The following RALGAPA1 variants were observed in gnomAD, a reference collection of about 807,000 sequenced individuals.
RALGAPA1 encodes the protein ral GTPase-activating protein subunit alpha-1.
A neutral mutation model predicts 269.6 loss-of-function variants in RALGAPA1; 52 were observed. The observed-to-expected ratio is 0.19, with a 90% confidence interval of 0.15 to 0.24. The LOEUF (loss-of-function observed/expected upper bound fraction) is 0.24, where lower values mean the gene tolerates loss of function less well. RALGAPA1 is among the 10% of genes least tolerant of loss of function. The pLI is 1.00. For missense variants in RALGAPA1, 1,917 were observed against 3,013.9 expected (o/e 0.64, Z 8.52); for synonymous variants, 817 against 1,008.3 (o/e 0.81, Z 3.60).
At chr14:35,754,149 A>C (rs1163018186) in intron 7 of RALGAPA1, among the ~76,000 whole-genome samples, 1 of 152,224 alleles carries the variant, frequency 6.6e-6, no homozygotes, top group African/African-American at 2.4e-5. Context: ...TAAAACTTCA[A>C]GAACAAAACG....
Position 35,649,042 on chromosome 14 carries a change from G to A in RALGAPA1, c.5676+2763C>T, listed in dbSNP as rs542948963. ...AAGTGATTTCATATATTCTCACAAT[G>A]TTAATACTACTCATGTACTGACAAT... On this transcript the variant is annotated intron_variant, in intron 31 of 41. Coordinates refer to ENST00000680220, the MANE Select transcript of RALGAPA1 (RefSeq NM_001346249.2). Among the ~76,000 whole-genome samples, 35 of 152,244 alleles carry A rather than the reference G, an allele frequency of 2.3e-4. 1 individual carries two copies. In the South Asian group the frequency reaches 7.3e-3, roughly 32 times the overall value.
At chr14:35,791,077 G>T (rs1011203722) in intron 1 of RALGAPA1, among the ~76,000 whole-genome samples, 8 of 152,148 alleles carry the variant, frequency 5.3e-5, no homozygotes, top group Non-Finnish European at 7.4e-5. Flanking sequence ...AAGTTTGAAA[G>T]ATGGTGTGCT....
At chr14:35,551,742 T>A (rs2055031197) in intron 39 of RALGAPA1, among the ~76,000 whole-genome samples, 1 of 152,062 alleles carries the variant, frequency 6.6e-6, no homozygotes, top group Admixed American at 6.6e-5. Context: ...TACTTCCTTA[T>A]ACAAAGAGGC....
intron 39 of RALGAPA1, among the ~76,000 whole-genome samples, chr14:35,560,093 G>C (rs908522120): frequency 2.1e-4 from 32 of 152,284 alleles, no homozygotes; most frequent in African/African-American, 7.7e-4. Context: ...TTTTGGAAAG[G>C]CTTCGCTAGA....
chr14:35,776,801 G>C (rs2075065784), intron 1 of RALGAPA1, among the ~76,000 whole-genome samples: 1 of 152,042 alleles, frequency 6.6e-6, no homozygotes, highest in South Asian at 2.1e-4. Flanking sequence ...AAAAACGTGA[G>C]GTATGCATGT....
At chr14:35,729,541 G>C (rs1442814696) in intron 12 of RALGAPA1, among the ~76,000 whole-genome samples, 2 of 152,188 alleles carry the variant, frequency 1.3e-5, no homozygotes, top group African/African-American at 2.4e-5. Context: ...TAGAGAATAA[G>C]TATCAGCAAA....
At chr14:35,798,138 G>A (rs151204318) in intron 1 of RALGAPA1, among the ~76,000 whole-genome samples, 4,448 of 150,546 alleles carry the variant, frequency 0.03, 219 homozygotes, top group African/African-American at 0.1. Flanking sequence ...CTCCCAAAAT[G>A]CTGGGATTAC....
chr14:35,800,536 C>A (rs1310432148), intron 1 of RALGAPA1, among the ~76,000 whole-genome samples: 1 of 151,882 alleles, frequency 6.6e-6, no homozygotes, highest in Admixed American at 6.6e-5. Context: ...TATTTTGGAA[C>A]TAAATGAAAA....
At chr14:35,677,891 A>T in intron 22 of RALGAPA1, 59 bp downstream of exon 22, 1 of 1,494,290 alleles carries the variant, frequency 6.7e-7, no homozygotes, top group South Asian at 1.2e-5. Context: ...CTTATTTATG[A>T]TCTCCTGACA....
intron 41 of RALGAPA1, among the ~76,000 whole-genome samples, chr14:35,543,257 G>T (rs1245067693): frequency 1.3e-5 from 2 of 152,130 alleles, no homozygotes; most frequent in Non-Finnish European, 2.9e-5. Flanking sequence ...CATATGCAAA[G>T]ATATTGGCAC....
intron 12 of RALGAPA1, among the ~76,000 whole-genome samples, chr14:35,728,738 T>A (rs2070198409): frequency 6.6e-6 from 1 of 151,428 alleles, no homozygotes; most frequent in South Asian, 2.1e-4. Context: ...TTTCTTTCTT[T>A]TTTTTTTTTT....
At chr14:35,559,172 A>C (rs2055915836) in intron 39 of RALGAPA1, among the ~76,000 whole-genome samples, 1 of 152,190 alleles carries the variant, frequency 6.6e-6, no homozygotes, top group Non-Finnish European at 1.5e-5. Flanking sequence ...GTTAGAAGAA[A>C]ATGGATAGAT....
At chr14:35,802,724 C>G (rs755072210) in intron 1 of RALGAPA1, among the ~76,000 whole-genome samples, 47 of 150,880 alleles carry the variant, frequency 3.1e-4, no homozygotes, top group Non-Finnish European at 2.8e-4. Flanking sequence ...CTGTGTCACC[C>G]AGGCTGGAGT....
chr14:35,700,306 T>C lies in RALGAPA1; in HGVS notation c.2267-4A>G. 1 of 1,502,610 alleles carries C rather than the reference T, an allele frequency of 6.7e-7. No homozygotes were observed. 93.1% of individuals were successfully genotyped at this position (1,502,610 alleles called of 1,614,324 possible). A position where few individuals can be genotyped will look rare whatever the true frequency, so the allele number is the denominator to read the frequency against. ...CCAATGGATCGGCTTCTCATGGCTT[T>C]AAAAAAGGAAAAGAAAGAAGTGGGG... On this transcript the variant is annotated splice_region_variant and splice_polypyrimidine_tract_variant and intron_variant, in intron 16 of 41. Transcript: ENST00000680220.
At chr14:35,592,144 TTTG>T (rs1277112075) in intron 37 of RALGAPA1, among the ~76,000 whole-genome samples, 1 of 152,194 alleles carries the variant, frequency 6.6e-6, no homozygotes, top group East Asian at 1.9e-4. Flanking sequence ...AGGTAAATCC[TTTG>T]TTAAGACTGT....
chr14:35,779,256 T>C (rs1250722061), intron 1 of RALGAPA1, among the ~76,000 whole-genome samples: 1 of 152,112 alleles, frequency 6.6e-6, no homozygotes, highest in African/African-American at 2.4e-5. Flanking sequence ...CTGGGCAAGG[T>C]GGTTGACATC....
intron 1 of RALGAPA1, among the ~76,000 whole-genome samples, chr14:35,801,238 T>C (rs932119945): frequency 7.6e-6 from 1 of 131,902 alleles, no homozygotes; most frequent in Admixed American, 7.4e-5. Flanking sequence ...TATATATATA[T>C]ACACAGACAC....
intron 41 of RALGAPA1, among the ~76,000 whole-genome samples, chr14:35,541,040 A>ATTTCTT (rs2053924288): frequency 1.1e-5 from 1 of 89,164 alleles, no homozygotes; most frequent in African/African-American, 5.6e-5. Flanking sequence ...GAACACTTCA[A>ATTTCTT]TTTTTTTTTT....
chr14:35,749,256 T>C (rs1416368395), intron 9 of RALGAPA1, among the ~76,000 whole-genome samples: 2 of 152,040 alleles, frequency 1.3e-5, no homozygotes, highest in Non-Finnish European at 2.9e-5. Flanking sequence ...TGGACAAAAA[T>C]TTAGACAAGT....
Sources: gnomAD v4.1 joint callset for allele counts (sites outside exome capture counted in the v4.1 genomes callset) on GRCh38, gnomAD v4.1.1 for gene constraint, MANE v1.5 for transcripts, NCBI Gene and HGNC (gene_info 2026-07-23, HGNC 2026-07-21) for gene names.